CSMD1: variants seen among roughly 807,000 people sequenced by gnomAD.
CSMD1 encodes CUB and sushi domain-containing protein 1.
CSMD1 carries 213 observed loss-of-function variants against 417.5 expected under a neutral mutation model. The ratio of observed to expected loss-of-function variants is 0.51; its 90% CI spans 0.46 to 0.57. The LOEUF (loss-of-function observed/expected upper bound fraction) is 0.57, where lower values mean the gene tolerates loss of function less well. Among genes scored for constraint, CSMD1 ranks in the 20% least tolerant of loss-of-function variants. CSMD1 has a pLI of 0.00. For synonymous variants in CSMD1, 2,862 were observed against 1,736.8 expected, an observed-to-expected ratio of 1.65 and a Z score of -16.11; for missense variants, 6,923 against 4,529.7, an observed-to-expected ratio of 1.53 and a Z score of -15.17.
At chr8:4,670,673 T>G (rs79655078) in intron 1 of CSMD1, among the ~76,000 whole-genome samples, 11,842 of 152,234 alleles carry the variant, frequency 0.078, 629 homozygotes, top group African/African-American at 0.14. Context: ...ATCCAAATAT[T>G]ACTATGATAG....
intron 3 of CSMD1, among the ~76,000 whole-genome samples, chr8:4,316,487 T>G (rs2128881604): frequency 6.6e-6 from 1 of 152,254 alleles, no homozygotes; most frequent in Non-Finnish European, 1.5e-5. Flanking sequence ...CTCAACGATT[T>G]TTGCACCAAC....
intron 10 of CSMD1, among the ~76,000 whole-genome samples, chr8:3,517,909 G>A (rs931241564): frequency 6.6e-6 from 1 of 152,194 alleles, no homozygotes; most frequent in South Asian, 2.1e-4. Flanking sequence ...TGAAGAGTTC[G>A]GGGCCTCCTT....
At chr8:4,409,134 A>C (rs62480980) in intron 3 of CSMD1, among the ~76,000 whole-genome samples, 3,732 of 152,300 alleles carry the variant, frequency 0.025, 58 homozygotes, top group Middle Eastern at 0.034. Context: ...ATTATATTTA[A>C]TGTACTATAC....
At chr8:3,328,474 G>C (rs1157825789) in intron 23 of CSMD1, among the ~76,000 whole-genome samples, 4 of 152,154 alleles carry the variant, frequency 2.6e-5, no homozygotes, top group Non-Finnish European at 5.9e-5. Context: ...TTTGTCTGTT[G>C]CTACACCCTC....
rs1799935065 is a variant in CSMD1, at chr8:4,078,235, T to C, written c.416-46136A>G. Among the ~76,000 whole-genome samples, 3 of 152,022 alleles carry C rather than the reference T, an allele frequency of 2.0e-5. No individual in the cohort carries two copies. In the South Asian group the frequency reaches 6.2e-4, roughly 31 times the overall value. ...TTTTTTCTTTTAATTTTCTTACACA[T>C]ATAAACGTATTACGTAATTGCACTA... On this transcript the variant is annotated intron_variant, in intron 3 of 69. Transcript: ENST00000635120.
At chr8:3,477,341 G>A (rs1255321405) in intron 11 of CSMD1, among the ~76,000 whole-genome samples, 1 of 152,190 alleles carries the variant, frequency 6.6e-6, no homozygotes. Flanking sequence ...ATAAAAACTT[G>A]CCTAAAACTG....
In CSMD1 at chr8:3,690,400, C is replaced by G. The variant is rs547453758; in HGVS notation, c.1009+18014G>C. Among the ~76,000 whole-genome samples the G allele has an allele frequency of 9.2e-5, 14 of 152,270 alleles. No homozygotes were observed. The South Asian group carries it at 2.1e-3, about 23-fold the overall frequency. ...ATTACCTGAATCTAAAATTTGCCAG[C>G]CTTTGATAAAATATTTGAAGCAATT... On this transcript the variant is annotated intron_variant, in intron 7 of 69. Coordinates refer to ENST00000635120, the MANE Select transcript of CSMD1 (RefSeq NM_033225.6).
intron 3 of CSMD1, among the ~76,000 whole-genome samples, chr8:4,128,389 T>G (rs372858472): frequency 6.6e-6 from 1 of 152,142 alleles, no homozygotes; most frequent in South Asian, 2.1e-4. Flanking sequence ...TACCTTCGAT[T>G]TGGAACTAAA....
chr8:3,036,505 T>C (rs931553745), intron 50 of CSMD1, among the ~76,000 whole-genome samples: 9 of 152,310 alleles, frequency 5.9e-5, no homozygotes, highest in Admixed American at 2.6e-4. Context: ...TTAGATGTCA[T>C]TGGAGTAAAC....
chr8:3,593,968 T>C (rs752663027), intron 8 of CSMD1, among the ~76,000 whole-genome samples: 1 of 152,214 alleles, frequency 6.6e-6, no homozygotes, highest in Non-Finnish European at 1.5e-5. Context: ...CTAAAAAGTT[T>C]TCTGGAAACG....
intron 50 of CSMD1, among the ~76,000 whole-genome samples, chr8:3,051,865 T>C (rs1460834453): frequency 6.6e-6 from 1 of 152,202 alleles, no homozygotes; most frequent in East Asian, 1.9e-4. Context: ...CAGACTATTA[T>C]TCCATAAGAC....
chr8:4,891,339 T>C (rs1804110595), intron 1 of CSMD1, among the ~76,000 whole-genome samples: 1 of 152,104 alleles, frequency 6.6e-6, no homozygotes, highest in Non-Finnish European at 1.5e-5. Context: ...AAGACTGAAG[T>C]TTATTGAAGT....
intron 3 of CSMD1, among the ~76,000 whole-genome samples, chr8:4,163,940 T>A (rs976550364): frequency 1.3e-5 from 2 of 152,138 alleles, no homozygotes; most frequent in African/African-American, 4.8e-5. Context: ...GTTATATAAG[T>A]TTTCCAGGCT....
chr8:4,201,540 C>CAAAAAAAAA (rs1157479482), intron 3 of CSMD1, among the ~76,000 whole-genome samples: 3 of 59,048 alleles, frequency 5.1e-5, no homozygotes, highest in African/African-American at 7.2e-5. Context: ...TCTGTCTCCA[C>CAAAAAAAAA]AAAAAAAAAA....
chr8:4,811,048 G>A (rs1798869877), intron 1 of CSMD1, among the ~76,000 whole-genome samples: 2 of 152,148 alleles, frequency 1.3e-5, no homozygotes, highest in Admixed American at 6.6e-5. Flanking sequence ...ACACTTAAAC[G>A]ATTAATCAGT....
At chr8:3,365,969 G>A (rs1293058688) in intron 20 of CSMD1, among the ~76,000 whole-genome samples, 1 of 152,158 alleles carries the variant, frequency 6.6e-6, no homozygotes, top group Non-Finnish European at 1.5e-5. Context: ...GTTTTGGTTT[G>A]GGAGATAAGA....
At chr8:3,171,144 A>G (rs1820558631) in intron 37 of CSMD1, among the ~76,000 whole-genome samples, 1 of 152,206 alleles carries the variant, frequency 6.6e-6, no homozygotes, top group Non-Finnish European at 1.5e-5. Context: ...ATGAGAAATA[A>G]ACAAGTGCCC....
intron 1 of CSMD1, among the ~76,000 whole-genome samples, chr8:4,890,374 G>A (rs1162549163): frequency 6.6e-6 from 1 of 152,008 alleles, no homozygotes. Flanking sequence ...GATGGCACTC[G>A]GGTCCTCACA....
chr8:3,226,504 A>G (rs913725031), intron 27 of CSMD1, among the ~76,000 whole-genome samples: 2 of 149,614 alleles, frequency 1.3e-5, no homozygotes, highest in African/African-American at 2.5e-5. Flanking sequence ...AATCGCTTGA[A>G]CCTGGGAGCG....
Sources: gnomAD v4.1 joint callset for allele counts (sites outside exome capture counted in the v4.1 genomes callset) on GRCh38, gnomAD v4.1.1 for gene constraint, MANE v1.5 for transcripts, NCBI Gene and HGNC (gene_info 2026-07-23, HGNC 2026-07-21) for gene names.